Variants in ACKR2 observed in about 807,000 individuals in gnomAD.
ACKR2 encodes atypical chemokine receptor 2, also known as C-C chemokine receptor D6.
For missense variants in ACKR2, 457 were observed against 477.3 expected, an observed-to-expected ratio of 0.96 and a Z score of 0.40; for synonymous variants, 207 against 192.2, an observed-to-expected ratio of 1.08 and a Z score of -0.64.
chr3:42,853,574 A>G (rs1472229615), intron 2 of ACKR2, among the ~76,000 whole-genome samples: 1 of 151,908 alleles, frequency 6.6e-6, no homozygotes, highest in Non-Finnish European at 1.5e-5. Context: ...TGTGCTTACT[A>G]TTTTCTTTGA....
At chr3:42,847,799 T>A (rs1373257172) in intron 2 of ACKR2, among the ~76,000 whole-genome samples, 39 of 152,090 alleles carry the variant, frequency 2.6e-4, no homozygotes, top group African/African-American at 9.2e-4. Flanking sequence ...GCTCAGCCCT[T>A]CCTGGAACTC....
chr3:42,809,562 A>C (rs1700672924), intron 1 of ACKR2, 30 bp downstream of exon 1: 1 of 152,184 alleles, frequency 6.6e-6, no homozygotes, highest in Non-Finnish European at 1.5e-5. Context: ...GCCAATTCTT[A>C]GACAAAAAGT....
chr3:42,840,606 G>A (rs1338691780), intron 2 of ACKR2, among the ~76,000 whole-genome samples: 2 of 152,190 alleles, frequency 1.3e-5, no homozygotes, highest in African/African-American at 2.4e-5. Flanking sequence ...CAAAACTAAC[G>A]TTTGAATTCC....
intron 2 of ACKR2, among the ~76,000 whole-genome samples, chr3:42,829,618 CCT>C (rs1465420972): frequency 6.6e-6 from 1 of 152,074 alleles, no homozygotes; most frequent in Non-Finnish European, 1.5e-5. Flanking sequence ...GGAGTTGTAC[CCT>C]CTCTAATTTT....
chr3:42,839,366 G>C (rs1481222093), intron 2 of ACKR2: 1 of 152,046 alleles, frequency 6.6e-6, no homozygotes, highest in South Asian at 2.1e-4. Flanking sequence ...TGGTTTGAAG[G>C]GCTGATAACT....
chr3:42,844,529 C>A (rs1474361578), intron 2 of ACKR2, among the ~76,000 whole-genome samples: 3 of 152,102 alleles, frequency 2.0e-5, no homozygotes, highest in African/African-American at 7.2e-5. Context: ...GCTTTGTTAG[C>A]CAGAGCAAGG....
At position 42,864,754 on chromosome 3, in the gene ACKR2, T is replaced by C; in HGVS notation, c.252T>C (p.Tyr84=). ...YVPRRRMVEI[Y]LLNLAISNLL... ...CTCGCAGGCGGATGGTTGAGATCTA[T>C]CTGCTGAATCTGGCCATCTCCAACC... The change falls in exon 3 of 3, where the codon TAT becomes TAC. Residue 84 remains tyrosine, a synonymous_variant. Coordinates refer to ENST00000422265, the MANE Select transcript of ACKR2 (RefSeq NM_001296.5). 6.2e-7 allele frequency: 1 copy of C among 1,614,240 alleles called. No individual in the cohort carries two copies.
At chr3:42,830,599 G>A (rs1040650161) in intron 2 of ACKR2, among the ~76,000 whole-genome samples, 13 of 152,124 alleles carry the variant, frequency 8.5e-5, no homozygotes, top group African/African-American at 2.4e-4. Context: ...GAAGCTCCCC[G>A]CTGGTGAAAT....
At chr3:42,822,528 CAG>C (rs1700818064) in intron 2 of ACKR2, among the ~76,000 whole-genome samples, 1 of 152,050 alleles carries the variant, frequency 6.6e-6, no homozygotes, top group African/African-American at 2.4e-5. Flanking sequence ...CCCACTAACT[CAG>C]AGAGGGAAGA....
intron 2 of ACKR2, among the ~76,000 whole-genome samples, chr3:42,857,866 A>G: frequency 6.6e-6 from 1 of 152,236 alleles, no homozygotes; most frequent in East Asian, 1.9e-4. Context: ...CTGAGGCTTG[A>G]GTAGGCGGTT....
chr3:42,826,856 G>A (rs1020641092), intron 2 of ACKR2, among the ~76,000 whole-genome samples: 3 of 152,072 alleles, frequency 2.0e-5, no homozygotes, highest in East Asian at 1.9e-4. Context: ...AAAAATATCT[G>A]TATTCACATT....
intron 2 of ACKR2, chr3:42,835,432 T>C (rs1389270204): frequency 6.6e-6 from 1 of 151,954 alleles, no homozygotes; most frequent in Non-Finnish European, 1.5e-5. Flanking sequence ...ACTGCTCTGT[T>C]CATCTGCCTA....
chr3:42,847,520 G>T (rs951365148), intron 2 of ACKR2, among the ~76,000 whole-genome samples: 10 of 152,196 alleles, frequency 6.6e-5, no homozygotes, highest in African/African-American at 2.4e-4. Context: ...AAGTTTTAAG[G>T]CCCTAGAGAA....
chr3:42,821,591 C>A (rs550236095), intron 2 of ACKR2, among the ~76,000 whole-genome samples: 1 of 152,284 alleles, frequency 6.6e-6, no homozygotes, highest in African/African-American at 2.4e-5. Context: ...AGAATTTGAA[C>A]CCAGTACTGT....
intron 2 of ACKR2, among the ~76,000 whole-genome samples, chr3:42,854,505 G>A (rs186280507): frequency 9.2e-5 from 14 of 152,214 alleles, no homozygotes; most frequent in African/African-American, 1.4e-4. Flanking sequence ...GGAAGGGGTC[G>A]TCACTTCCAC....
intron 2 of ACKR2, among the ~76,000 whole-genome samples, chr3:42,837,526 G>A (rs1378650507): frequency 6.6e-6 from 1 of 152,188 alleles, no homozygotes; most frequent in Non-Finnish European, 1.5e-5. Flanking sequence ...CCAGCTGGGA[G>A]CCTGCAGTTC....
chr3:42,812,680 C>CTT (rs71616070), intron 1 of ACKR2, among the ~76,000 whole-genome samples: 5,292 of 71,922 alleles, frequency 0.074, 924 homozygotes, highest in Middle Eastern at 0.18. Context: ...AATTTTCAGC[C>CTT]TTTTTTTTTT....
chr3:42,854,264 G>C (rs566230939), intron 2 of ACKR2, among the ~76,000 whole-genome samples: 20 of 152,290 alleles, frequency 1.3e-4, no homozygotes, highest in African/African-American at 4.3e-4. Context: ...TATAGCATTT[G>C]CCATGGTGTA....
At position 42,852,746 on chromosome 3, in the gene ACKR2, T is replaced by G. The variant is rs1559691933; in HGVS notation, c.-37-11720T>G. On this transcript the variant is annotated intron_variant, in intron 2 of 2. Coordinates refer to ENST00000422265, the MANE Select transcript of ACKR2 (RefSeq NM_001296.5). The surrounding 1 kb of genome is among the most constrained non-coding windows in gnomAD (Gnocchi z 4.3). ...ACACTAAGATGTTCCTGTGGGTTAT[T>G]TTTGCAGTGGTAGCATCTCAGGGGA... Among the ~76,000 whole-genome samples the G allele has an allele frequency of 6.6e-6, 1 of 152,248 alleles. No homozygotes were observed. Among genetic ancestry groups the G allele is most frequent in the Non-Finnish European group, 1.5e-5 (1 of 68,040 alleles).
Sources: allele counts gnomAD v4.1 joint callset (sites outside exome capture counted in the v4.1 genomes callset), GRCh38; gene constraint gnomAD v4.1.1; non-coding constraint Gnocchi (gnomAD v3.1); transcripts MANE v1.5; gene names NCBI Gene and HGNC (gene_info 2026-07-23, HGNC 2026-07-21).